Variants in PRKG1 observed in about 807,000 individuals in gnomAD.
PRKG1 encodes the protein cGMP-dependent protein kinase 1.
Under a neutral mutation model 88.1 loss-of-function variants are expected in PRKG1, and 35 were observed. That is an observed-to-expected ratio of 0.40 (90% CI 0.30 to 0.53). The LOEUF (loss-of-function observed/expected upper bound fraction) is 0.53, where lower values mean the gene tolerates loss of function less well. Ranked by LOEUF, PRKG1 falls within the 20% of genes least tolerant of loss-of-function variation. The probability of loss-of-function intolerance (pLI) is 0.59; values close to 1 mark genes in which losing one functional copy is unlikely to be tolerated. For missense variants in PRKG1, 540 were observed against 839.8 expected, an observed-to-expected ratio of 0.64 and a Z score of 4.41; for synonymous variants, 303 against 292.5, an observed-to-expected ratio of 1.04 and a Z score of -0.37.
chr10:51,836,156 C>A (rs1279439297), intron 4 of PRKG1, among the ~76,000 whole-genome samples: 1 of 152,090 alleles, frequency 6.6e-6, no homozygotes, highest in East Asian at 1.9e-4. Flanking sequence ...ATCAAAATAG[C>A]ATGGCACTGG....
At chr10:52,163,957 T>C (rs10437354) in intron 9 of PRKG1, among the ~76,000 whole-genome samples, 7,081 of 152,290 alleles carry the variant, frequency 0.046, 615 homozygotes, top group African/African-American at 0.16. Context: ...ATTTTGGTCA[T>C]GAATATTAAC....
intron 1 of PRKG1, among the ~76,000 whole-genome samples, chr10:51,085,448 TG>T (rs1844224132): frequency 6.6e-6 from 1 of 152,138 alleles, no homozygotes; most frequent in African/African-American, 2.4e-5. Context: ...TGCACTGGAA[TG>T]AACCCTAGAG....
chr10:52,030,206 T>C (rs923162764), intron 5 of PRKG1, among the ~76,000 whole-genome samples: 13 of 152,208 alleles, frequency 8.5e-5, no homozygotes, highest in Non-Finnish European at 1.9e-4. Flanking sequence ...TTTGTTGTTC[T>C]GTGTGCATAC....
intron 5 of PRKG1, among the ~76,000 whole-genome samples, chr10:51,969,757 T>G (rs1843658800): frequency 6.6e-6 from 1 of 151,920 alleles, no homozygotes; most frequent in Non-Finnish European, 1.5e-5. Context: ...AATATAAATA[T>G]TCACAACAAC....
chr10:51,306,936 C>T (rs1841054096), intron 2 of PRKG1, among the ~76,000 whole-genome samples: 1 of 152,014 alleles, frequency 6.6e-6, no homozygotes, highest in Non-Finnish European at 1.5e-5. Context: ...CTAATGGCTC[C>T]CACTCAAGGG....
chr10:51,775,865 T>C (rs1838422093), intron 3 of PRKG1, among the ~76,000 whole-genome samples: 1 of 152,208 alleles, frequency 6.6e-6, no homozygotes, highest in Non-Finnish European at 1.5e-5. Flanking sequence ...ATTACAGGCG[T>C]GAGCCACTGC....
chr10:51,261,375 A>G (rs1379896468), intron 2 of PRKG1, among the ~76,000 whole-genome samples: 1 of 152,204 alleles, frequency 6.6e-6, no homozygotes, highest in African/African-American at 2.4e-5. Flanking sequence ...TATAGTTGCA[A>G]GGAAAAAAGT....
intron 12 of PRKG1, among the ~76,000 whole-genome samples, chr10:52,279,537 A>G (rs1172067979): frequency 6.6e-6 from 1 of 152,176 alleles, no homozygotes; most frequent in African/African-American, 2.4e-5. Context: ...TCTGGAAGAC[A>G]CTACCTATTT....
At chr10:51,702,478 T>G (rs1385794154) in intron 3 of PRKG1, among the ~76,000 whole-genome samples, 1 of 152,222 alleles carries the variant, frequency 6.6e-6, no homozygotes, top group East Asian at 1.9e-4. Flanking sequence ...TATACTGCTT[T>G]TTTATTCCCA....
intron 5 of PRKG1, among the ~76,000 whole-genome samples, chr10:52,037,181 G>A (rs917584405): frequency 1.3e-5 from 2 of 152,220 alleles, no homozygotes; most frequent in African/African-American, 4.8e-5. Context: ...GGAATCCCGG[G>A]CTGCAGGCAT....
At position 51,100,841 on chromosome 10, in the gene PRKG1, A is replaced by G. The variant is rs575001126; in HGVS notation, c.311+25940A>G. On this transcript the variant is annotated intron_variant, in intron 1 of 17. Transcript: ENST00000373980. The stretch of plus-strand genomic sequence containing the variant: ...ATGAATCTTGCAAGCAAGAAGAACT[A>G]TACTCTGGGGAGATTAGCCCAATGC... Among the ~76,000 whole-genome samples, 128 of 152,298 alleles carry G rather than the reference A, an allele frequency of 8.4e-4. 1 individual carries two copies. The highest frequency in any genetic ancestry group is 2.1e-4 in the South Asian group (1 of 4,830).
intron 3 of PRKG1, among the ~76,000 whole-genome samples, chr10:51,680,785 G>C (rs1218416575): frequency 1.3e-5 from 2 of 152,238 alleles, no homozygotes; most frequent in Admixed American, 1.3e-4. Flanking sequence ...CTGGGACAAA[G>C]TAGATATTGA....
At chr10:51,397,052 C>G (rs1455667355) in intron 2 of PRKG1, among the ~76,000 whole-genome samples, 1 of 152,008 alleles carries the variant, frequency 6.6e-6, no homozygotes, top group Non-Finnish European at 1.5e-5. Context: ...AAGCAGGCAG[C>G]CAGCCCATGA....
intron 3 of PRKG1, among the ~76,000 whole-genome samples, chr10:51,726,000 G>C (rs982304981): frequency 6.6e-6 from 1 of 152,154 alleles, no homozygotes; most frequent in African/African-American, 2.4e-5. Context: ...TCCTAGGTGA[G>C]CAATGCCCTA....
chr10:51,833,516 A>T (rs1201951078), intron 4 of PRKG1, among the ~76,000 whole-genome samples: 1 of 152,212 alleles, frequency 6.6e-6, no homozygotes, highest in Non-Finnish European at 1.5e-5. Context: ...ACACATTTAT[A>T]GGTAGTAGAG....
chr10:51,278,482 G>C (rs1173184254), intron 2 of PRKG1, among the ~76,000 whole-genome samples: 2 of 152,174 alleles, frequency 1.3e-5, no homozygotes, highest in Non-Finnish European at 1.5e-5. Context: ...ATGAGTTTGG[G>C]AGGATTCCCT....
chr10:50,998,301 A>C (rs1047435753), intron 1 of PRKG1, among the ~76,000 whole-genome samples: 1 of 152,194 alleles, frequency 6.6e-6, no homozygotes, highest in African/African-American at 2.4e-5. Flanking sequence ...TATTTGCACA[A>C]GTCATATGAC....
At chr10:51,658,818 A>G (rs1840225226) in intron 3 of PRKG1, among the ~76,000 whole-genome samples, 1 of 151,924 alleles carries the variant, frequency 6.6e-6, no homozygotes, top group Non-Finnish European at 1.5e-5. Context: ...TTAGCAGAAA[A>G]ACTCCCAGTT....
At chr10:51,026,532 C>T (rs1843208127) in intron 1 of PRKG1, among the ~76,000 whole-genome samples, 1 of 152,142 alleles carries the variant, frequency 6.6e-6, no homozygotes, top group East Asian at 1.9e-4. Context: ...GCCAATCAGC[C>T]ATCCTAGTTT....
Sources: gnomAD v4.1 joint callset for allele counts (sites outside exome capture counted in the v4.1 genomes callset) on GRCh38, gnomAD v4.1.1 for gene constraint, MANE v1.5 for transcripts, NCBI Gene and HGNC (gene_info 2026-07-23, HGNC 2026-07-21) for gene names.